FAM20A: variants seen among roughly 807,000 people sequenced by gnomAD.
FAM20A encodes the protein FAM20A golgi associated secretory pathway pseudokinase.
A neutral mutation model predicts 52.0 loss-of-function variants in FAM20A; 42 were observed. The observed-to-expected ratio is 0.81, with a 90% confidence interval of 0.63 to 1.04. FAM20A has a LOEUF of 1.04. Ranked by LOEUF, FAM20A falls within the 50% of genes least tolerant of loss-of-function variation. FAM20A has a pLI of 0.00. For missense variants in FAM20A, 742 were observed against 712.7 expected, an observed-to-expected ratio of 1.04 and a Z score of -0.47; for synonymous variants, 304 against 298.9, an observed-to-expected ratio of 1.02 and a Z score of -0.18.
intron 1 of FAM20A, among the ~76,000 whole-genome samples, chr17:68,593,515 T>C (rs1290923504): frequency 6.6e-6 from 1 of 152,226 alleles, no homozygotes; most frequent in East Asian, 1.9e-4. Flanking sequence ...AGAAGAGCAC[T>C]CCACATCCAA....
Position 68,550,369 on chromosome 17 carries a change from CTTTTTTTTTTTTT to C in FAM20A, c.719+1491_719+1503del, listed in dbSNP as rs747654899. 1.0e-4 allele frequency among the ~76,000 whole-genome samples: 8 copies of C among 79,390 alleles called. No individual in the cohort carries two copies. The East Asian group carries it at 2.8e-3, about 28-fold the overall frequency. The allele number at this position is 79,390 out of a possible 152,430, so 52.1% of individuals were successfully genotyped here. A position where few individuals can be genotyped will look rare whatever the true frequency, so the allele number is the denominator to read the frequency against. ...CTTTCACATAGGAAAAATGGGGGAA[CTTTTTTTTTTTTT>C]TTTTTTTTTTTTTTAAGATAGAGAG... On this transcript the variant is annotated intron_variant, in intron 4 of 10. Transcript: ENST00000592554.
intron 4 of FAM20A, among the ~76,000 whole-genome samples, chr17:68,544,066 G>C (rs977964671): frequency 2.0e-5 from 3 of 152,176 alleles, no homozygotes; most frequent in African/African-American, 7.2e-5. Context: ...CAGAAGAGAG[G>C]GGAATGGTTA....
intron 4 of FAM20A, among the ~76,000 whole-genome samples, chr17:68,550,457 C>A (rs1005086161): frequency 1.3e-5 from 2 of 148,206 alleles, no homozygotes; most frequent in Non-Finnish European, 3.0e-5. Context: ...CTCAGCTCAC[C>A]GCAACCTCCT....
intron 1 of FAM20A, among the ~76,000 whole-genome samples, chr17:68,566,133 C>A (rs1232114035): frequency 6.6e-6 from 1 of 152,210 alleles, no homozygotes; most frequent in Admixed American, 6.5e-5. Flanking sequence ...TGAATCTTTT[C>A]CAGTCCTACA....
At chr17:68,558,426 A>G (rs2087116268) in intron 1 of FAM20A, 1 of 387,066 alleles carries the variant, frequency 2.6e-6, no homozygotes, top group Non-Finnish European at 5.3e-6. Context: ...TAATTGTAAC[A>G]TAGGGGTGGG....
intron 1 of FAM20A, among the ~76,000 whole-genome samples, chr17:68,587,945 G>A (rs955029995): frequency 3.9e-5 from 6 of 152,268 alleles, no homozygotes; most frequent in Admixed American, 1.3e-4. Flanking sequence ...TTGTTTCTAC[G>A]TATTATGTTG....
rs751309183 is a variant in FAM20A, at chr17:68,535,896, T to C, written c.*1581A>G. The C allele has an allele frequency of 2.2e-6, 1 of 454,114 alleles. No homozygotes were observed. The highest frequency in any genetic ancestry group is 1.6e-5 in the South Asian group (1 of 64,474). 28.1% of individuals were successfully genotyped at this position (454,114 alleles called of 1,614,324 possible). On this transcript the variant is annotated 3_prime_UTR_variant, in exon 11 of 11. Transcript: ENST00000592554. ...TTACAGTGAAAAGAAGACTTTGGAA[T>C]AGGTCTAAACCACTAAATTGTGTGA...
At chr17:68,581,416 T>TTCTTTCTTTCTTTCTTTC (rs1303963270) in intron 1 of FAM20A, among the ~76,000 whole-genome samples, 2 of 120,166 alleles carry the variant, frequency 1.7e-5, no homozygotes, top group African/African-American at 6.8e-5. Flanking sequence ...CTTTCTTTCT[T>TTCTTTCTTTCTTTCTTTC]TTTCTCTTTT....
intron 7 of FAM20A, chr17:68,541,426 T>A (rs1349861351): frequency 4.7e-6 from 1 of 214,178 alleles, no homozygotes. Flanking sequence ...CAGAGTCCCT[T>A]AGGATCTGTC....
chr17:68,550,723 C>T (rs1600562672), intron 4 of FAM20A, among the ~76,000 whole-genome samples: 1 of 152,186 alleles, frequency 6.6e-6, no homozygotes, highest in East Asian at 1.9e-4. Flanking sequence ...GTTGCCTGGG[C>T]CTTGGGATCA....
Position 68,555,664 on chromosome 17 carries a change from C to A in FAM20A, c.484G>T (p.Val162Phe). ...PLQLRLEASW[V>F]QFHLGINRHG... ...CGGTTAATACCCAGGTGGAACTGGA[C>A]CCAGCTGGCCTCGAGTCGGAGCTGC... Residue 162 changes from valine to phenylalanine, a missense_variant, in exon 2 of 11, where the codon GTC becomes TTC. Coordinates refer to ENST00000592554, the MANE Select transcript of FAM20A (RefSeq NM_017565.4). 1 of 1,613,802 alleles carries A rather than the reference C, an allele frequency of 6.2e-7. No individual in the cohort carries two copies. Among genetic ancestry groups the A allele is most frequent in the Non-Finnish European group, 8.5e-7 (1 of 1,180,026 alleles).
chr17:68,541,912 A>G lies in FAM20A; in HGVS notation c.1109+73T>C, dbSNP rs1455405429. On this transcript the variant is annotated intron_variant, in intron 7 of 10. Transcript: ENST00000592554. Reference sequence around the variant, plus strand: ...GCTTTTCAGATTCAAAAGCCAAGCTAGCAACAAGTCCCTGGTACAGGGTCT... The same window carrying G: ...GCTTTTCAGATTCAAAAGCCAAGCTGGCAACAAGTCCCTGGTACAGGGTCT... 3.3e-6 allele frequency: 5 copies of G among 1,522,166 alleles called. No homozygotes were observed. The Admixed American group carries it at 6.1e-5, about 19-fold the overall frequency. The allele number at this position is 1,522,166 out of a possible 1,614,324, so 94.3% of individuals were successfully genotyped here. A position where few individuals can be genotyped will look rare whatever the true frequency, so the allele number is the denominator to read the frequency against.
chr17:68,560,195 G>A, intron 1 of FAM20A, among the ~76,000 whole-genome samples: 1 of 152,074 alleles, frequency 6.6e-6, no homozygotes, highest in African/African-American at 2.4e-5. Context: ...GCCTGCCAAA[G>A]TGCTGGGGTT....
At chr17:68,584,204 C>G (rs941752402) in intron 1 of FAM20A, among the ~76,000 whole-genome samples, 1 of 152,062 alleles carries the variant, frequency 6.6e-6, no homozygotes, top group Non-Finnish European at 1.5e-5. Flanking sequence ...GTAATCCCAG[C>G]TACTTGGGAG....
rs759198225 is a variant in FAM20A, at chr17:68,543,871, C to T, written c.720-150G>A. ...GATGGCACGGCAAGTCAGGAATGGC[C>T]TGTGGCTCCCTTCGCCAGGAGAAGA... is the stretch of plus-strand genomic sequence containing the variant. On this transcript the variant is annotated intron_variant, in intron 4 of 10. Transcript: ENST00000592554. 5.5e-6 allele frequency: 4 copies of T among 726,246 alleles called. No individual in the cohort carries two copies. The East Asian group carries it at 8.0e-5, about 15-fold the overall frequency. 45.0% of individuals were successfully genotyped at this position (726,246 alleles called of 1,614,324 possible).
intron 1 of FAM20A, among the ~76,000 whole-genome samples, chr17:68,589,659 TA>T (rs1317304963): frequency 6.6e-6 from 1 of 152,026 alleles, no homozygotes; most frequent in Non-Finnish European, 1.5e-5. Flanking sequence ...ATCAGTGGTT[TA>T]AAAAAAATTT....
rs149246756 is a variant in FAM20A, at chr17:68,542,148, A to G, written c.946T>C (p.Phe316Leu). ...FVSPASNVCF[F>L]AKCPYMCKTE... ...TTGCACATGTATGGACACTTGGCGA[A>G]GAAGCACACGTTGCTCGCTGGAGGA... The change falls in exon 7 of 11, where the codon TTC becomes CTC. Residue 316 changes from phenylalanine (F) to leucine (L), a missense_variant. Coordinates refer to ENST00000592554, the MANE Select transcript of FAM20A (RefSeq NM_017565.4). 6 of 1,613,956 alleles carry G rather than the reference A, an allele frequency of 3.7e-6. No individual in the cohort carries two copies. In the African/African-American group the frequency reaches 6.7e-5, roughly 18 times the overall value.
Position 68,551,969 on chromosome 17 carries a change from G to A in FAM20A, c.641-18C>T, listed in dbSNP as rs2086855435. 1 of 1,545,804 alleles carries A rather than the reference G, an allele frequency of 6.5e-7. No homozygotes were observed. Among genetic ancestry groups the A allele is most frequent in the Non-Finnish European group, 8.8e-7 (1 of 1,133,292 alleles). ...TTTCACAACTGTGAAAGGCAGAAGGGTGAGTTAACCATGCTTCCGGGCCTC... is the reference window on the plus strand; with the variant it reads ...TTTCACAACTGTGAAAGGCAGAAGGATGAGTTAACCATGCTTCCGGGCCTC... On this transcript the variant is annotated intron_variant, in intron 3 of 10. Coordinates refer to ENST00000592554, the MANE Select transcript of FAM20A (RefSeq NM_017565.4).
chr17:68,579,022 A>T (rs1268068556), intron 1 of FAM20A, among the ~76,000 whole-genome samples: 1 of 151,530 alleles, frequency 6.6e-6, no homozygotes, highest in Non-Finnish European at 1.5e-5. Flanking sequence ...TCAAAAAAAA[A>T]AAAAAAACAT....
Sources: gnomAD v4.1 joint callset for allele counts (sites outside exome capture counted in the v4.1 genomes callset) on GRCh38, gnomAD v4.1.1 for gene constraint, MANE v1.5 for transcripts, NCBI Gene and HGNC (gene_info 2026-07-23, HGNC 2026-07-21) for gene names.